The following KANK3 variants were observed in gnomAD, a reference collection of about 807,000 sequenced individuals.
KANK3 encodes the protein KN motif and ankyrin repeat domains 3.
A neutral mutation model predicts 65.4 loss-of-function variants in KANK3; 61 were observed. The observed-to-expected ratio is 0.93, with a 90% CI of 0.76 to 1.15. The LOEUF (loss-of-function observed/expected upper bound fraction) is 1.15. Among genes scored for constraint, KANK3 ranks in the 50% most tolerant of loss-of-function variants. KANK3 has a pLI of 0.00. For missense variants in KANK3, 1,187 were observed against 1,178.8 expected (o/e 1.01, Z -0.10); for synonymous variants, 586 against 543.3 (o/e 1.08, Z -1.09).
chr19:8,338,564 C>A (rs1218744793), intron 1 of KANK3, among the ~76,000 whole-genome samples: 1 of 152,010 alleles, frequency 6.6e-6, no homozygotes, highest in African/African-American at 2.4e-5. Context: ...GAGTTGGAAG[C>A]CCTTCACAGG....
At chr19:8,337,537 G>T (rs1263749145) in intron 2 of KANK3, among the ~76,000 whole-genome samples, 1 of 151,980 alleles carries the variant, frequency 6.6e-6, no homozygotes, top group African/African-American at 2.4e-5. Flanking sequence ...GTAGAGACAG[G>T]GTTTCACCAT....
intron 7 of KANK3, 27 bp downstream of exon 7, chr19:8,332,987 T>TTGGGGGCCCCC: frequency 5.1e-6 from 2 of 395,192 alleles, no homozygotes; most frequent in Non-Finnish European, 4.8e-6. Flanking sequence ...TTTCCTGGTG[T>TTGGGGGCCCCC]CCCACCCACC....
intron 2 of KANK3, among the ~76,000 whole-genome samples, 192 bp from the exon 3 acceptor site, chr19:8,335,984 G>A (rs936002346): frequency 3.3e-5 from 5 of 152,244 alleles, no homozygotes; most frequent in Non-Finnish European, 7.3e-5. Flanking sequence ...GGACACAGCA[G>A]TGAGCAAGAC....
intron 7 of KANK3, 27 bp from the exon 8 acceptor site, chr19:8,325,123 G>A (rs369537609): frequency 1.5e-5 from 24 of 1,597,300 alleles, no homozygotes; most frequent in South Asian, 1.5e-4. Flanking sequence ...GGCCGTCCAC[G>A]GAGATGCCAA....
rs1328415782 is a variant in KANK3, at chr19:8,334,127, G to A, written c.1428-11C>T. On this transcript the variant is annotated splice_polypyrimidine_tract_variant and intron_variant, in intron 4 of 10. Coordinates refer to ENST00000330915, the MANE Select transcript of KANK3 (RefSeq NM_198471.3). ...GAGGAGCTCTCGTACCTGGGGGCAG[G>A]GTGGGAGGTGTCTGCTAAACCTCCC... is the stretch of plus-strand genomic sequence containing the variant. The A allele has an allele frequency of 2.0e-6, 3 of 1,504,710 alleles. No individual in the cohort carries two copies. Among genetic ancestry groups the A allele is most frequent in the Non-Finnish European group, 1.8e-6 (2 of 1,126,118 alleles). 93.2% of individuals were successfully genotyped at this position (1,504,710 alleles called of 1,614,324 possible).
chr19:8,328,259 T>G (rs931651216), intron 7 of KANK3, among the ~76,000 whole-genome samples: 6 of 151,914 alleles, frequency 3.9e-5, no homozygotes, highest in African/African-American at 1.2e-4. Context: ...CAAAAAAATT[T>G]AAAAAGAATC....
intron 7 of KANK3, among the ~76,000 whole-genome samples, chr19:8,329,004 C>A (rs1970477403): frequency 7.1e-6 from 1 of 141,246 alleles, no homozygotes. Flanking sequence ...CCCATCTCTA[C>A]TAAAAATACA....
At chr19:8,330,675 C>A (rs993419002) in intron 7 of KANK3, among the ~76,000 whole-genome samples, 8 of 151,742 alleles carry the variant, frequency 5.3e-5, no homozygotes, top group Admixed American at 1.3e-4. Flanking sequence ...TTGCAGTGAG[C>A]CGAGATTGTG....
chr19:8,339,300 A>T (rs1349215179), intron 1 of KANK3, among the ~76,000 whole-genome samples: 1 of 151,820 alleles, frequency 6.6e-6, no homozygotes, highest in Non-Finnish European at 1.5e-5. Flanking sequence ...AAGCAGAAGG[A>T]TCGCTTGAGC....
Position 8,334,963 on chromosome 19 carries a change from G to C in KANK3, c.864C>G (p.Asp288Glu). Residue 288 changes from aspartate to glutamate, a missense_variant, in exon 3 of 11, where the codon GAC (aspartate) becomes GAG (glutamate). Coordinates refer to ENST00000330915, the MANE Select transcript of KANK3 (RefSeq NM_198471.3). The stretch of plus-strand genomic sequence containing the variant: ...TCCCATCGAGACTCCCGACCTCCCC[G>C]TCGAGGACCTGGAGCGCGCCCTCGC... Reference protein sequence around the residue: ...GRSEGALQVLDGEVGSLDGTP... With the variant: ...GRSEGALQVLEGEVGSLDGTP... The C allele has an allele frequency of 2.0e-6, 3 of 1,495,106 alleles. No homozygotes were observed. Among genetic ancestry groups the C allele is most frequent in the Non-Finnish European group, 2.6e-6 (3 of 1,132,566 alleles). 92.6% of individuals were successfully genotyped at this position (1,495,106 alleles called of 1,614,324 possible).
intron 7 of KANK3, among the ~76,000 whole-genome samples, chr19:8,330,777 G>A (rs537731027): frequency 2.4e-4 from 36 of 151,776 alleles, no homozygotes; most frequent in Non-Finnish European, 4.1e-4. Context: ...TGGTACACGC[G>A]CCTGTAATCC....
At chr19:8,326,807 A>AAC (rs1206082912) in intron 7 of KANK3, among the ~76,000 whole-genome samples, 12 of 140,072 alleles carry the variant, frequency 8.6e-5, no homozygotes, top group Admixed American at 5.2e-4. Flanking sequence ...TCAGAAAAAA[A>AAC]AAAAAAAACC....
rs1400822853 is a variant in KANK3 at position 8,333,764 on chromosome 19, T to C, written c.1679A>G (p.Gln560Arg). ...TCCGCGGGGCCGGCTCAGCTGCCGCTGCAGCGCTACGCACGCCTCCCTCAG... is the reference window on the plus strand; with the variant it reads ...TCCGCGGGGCCGGCTCAGCTGCCGCCGCAGCGCTACGCACGCCTCCCTCAG... ...PRLREACVAL[Q>R]RQLSRPRGVA... is the part of the protein sequence containing the mutation. The change falls in exon 6 of 11, where the codon CAG becomes CGG. Residue 560 changes from glutamine (Q) to arginine (R), a missense_variant. Coordinates refer to ENST00000330915, the MANE Select transcript of KANK3 (RefSeq NM_198471.3). This position sits in a 1 kb window ranked among gnomAD's most constrained non-coding sequence, Gnocchi z 5.0. 2.0e-6 allele frequency: 3 copies of C among 1,497,332 alleles called. No individual in the cohort carries two copies. Among genetic ancestry groups the C allele is most frequent in the African/African-American group, 2.8e-5 (2 of 70,962 alleles). 92.8% of individuals were successfully genotyped at this position (1,497,332 alleles called of 1,614,324 possible). A position where few individuals can be genotyped will look rare whatever the true frequency, so the allele number is the denominator to read the frequency against.
chr19:8,334,353 T>C lies in KANK3; in HGVS notation c.1394A>G (p.Lys465Arg), dbSNP rs1174137705. ...GAGGACCCCAACAAACTGCAGGCTC[T>C]TGGGTCCGGAGCTGGGTTGGGCACC... ...TPGAQPSSGP[K>R]SLQFVGVLNG... The change falls in exon 4 of 11, where the codon AAG becomes AGG. Residue 465 changes from lysine to arginine, a missense_variant. Physicochemically the swap from Lys to Arg is conservative, Grantham distance 26. Coordinates refer to ENST00000330915, the MANE Select transcript of KANK3 (RefSeq NM_198471.3). 6.2e-7 allele frequency: 1 copy of C among 1,614,000 alleles called. No homozygotes were observed. The highest frequency in any genetic ancestry group is 8.5e-7 in the Non-Finnish European group (1 of 1,180,016).
chr19:8,328,134 CG>C, intron 7 of KANK3, among the ~76,000 whole-genome samples: 2 of 151,938 alleles, frequency 1.3e-5, no homozygotes, highest in Non-Finnish European at 2.9e-5. Flanking sequence ...AAAAATTAGC[CG>C]GGTGTGGTGG....
chr19:8,341,868 C>A (rs1442002499), intron 1 of KANK3, among the ~76,000 whole-genome samples: 2 of 152,072 alleles, frequency 1.3e-5, no homozygotes, highest in South Asian at 4.1e-4. Context: ...CCCTATTGTA[C>A]AGATGGAGAA....
intron 1 of KANK3, among the ~76,000 whole-genome samples, chr19:8,342,289 C>A (rs1970731122): frequency 6.6e-6 from 1 of 152,124 alleles, no homozygotes; most frequent in African/African-American, 2.4e-5. Context: ...CACCAAGGAG[C>A]CTCAGGGGGC....
chr19:8,328,176 A>G (rs1970460659), intron 7 of KANK3, among the ~76,000 whole-genome samples: 1 of 151,926 alleles, frequency 6.6e-6, no homozygotes, highest in Admixed American at 6.6e-5. Flanking sequence ...TACTTGGGAG[A>G]CTGAGGAGGG....
chr19:8,336,433 C>CAAAAA (rs71175838), intron 2 of KANK3, among the ~76,000 whole-genome samples: 10 of 134,332 alleles, frequency 7.4e-5, no homozygotes, highest in South Asian at 2.4e-4. Flanking sequence ...GAGAACCTCT[C>CAAAAA]AAAAAAAAAA....
Sources: gnomAD v4.1 joint callset for allele counts (sites outside exome capture counted in the v4.1 genomes callset) on GRCh38, gnomAD v4.1.1 for gene constraint, Gnocchi (gnomAD v3.1) non-coding constraint, MANE v1.5 for transcripts, NCBI Gene and HGNC (gene_info 2026-07-23, HGNC 2026-07-21) for gene names.